Variants in NELL1 observed in about 807,000 individuals in gnomAD.
NELL1 encodes protein kinase C-binding protein NELL1.
In NELL1, 76 loss-of-function variants were observed where a neutral mutation model predicts 107.4. The ratio of observed to expected loss-of-function variants is 0.71; its 90% CI spans 0.59 to 0.86. The LOEUF (loss-of-function observed/expected upper bound fraction) is 0.86. Ranked by LOEUF, NELL1 falls within the 40% of genes least tolerant of loss-of-function variation. The pLI, the probability that NELL1 is intolerant of heterozygous loss-of-function variation, is 0.00. For synonymous variants in NELL1, 353 were observed against 341.2 expected (o/e 1.03, Z -0.38); for missense variants, 1,024 against 1,005.5 (o/e 1.02, Z -0.25).
intron 5 of NELL1, among the ~76,000 whole-genome samples, chr11:20,905,002 ATT>A (rs201231648): frequency 1.3e-4 from 17 of 129,596 alleles, no homozygotes; most frequent in East Asian, 8.8e-4. Context: ...CTAATTTTTA[ATT>A]TTTTTTTTTT....
At chr11:20,916,273 T>C (rs1446183202) in intron 5 of NELL1, among the ~76,000 whole-genome samples, 1 of 151,732 alleles carries the variant, frequency 6.6e-6, no homozygotes, top group Non-Finnish European at 1.5e-5. Flanking sequence ...GTACCACAGA[T>C]TAAAAGTGGA....
intron 13 of NELL1, among the ~76,000 whole-genome samples, chr11:21,133,457 G>A (rs1480386704): frequency 5.3e-5 from 8 of 152,082 alleles, no homozygotes; most frequent in Non-Finnish European, 1.0e-4. Context: ...CCATCAACCT[G>A]CTGTCCCTGG....
chr11:20,914,493 T>C (rs941454232), intron 5 of NELL1, among the ~76,000 whole-genome samples: 5 of 152,156 alleles, frequency 3.3e-5, no homozygotes. Context: ...ATCATGCAGA[T>C]GAAGCCTCTA....
At chr11:20,729,841 G>A (rs543571399) in intron 2 of NELL1, among the ~76,000 whole-genome samples, 49 of 152,288 alleles carry the variant, frequency 3.2e-4, no homozygotes, top group African/African-American at 1.2e-3. Context: ...GGGAAGGCAA[G>A]CTGTCTGTGG....
intron 12 of NELL1, among the ~76,000 whole-genome samples, chr11:20,995,412 A>G (rs1852068219): frequency 6.6e-6 from 1 of 152,024 alleles, no homozygotes; most frequent in African/African-American, 2.4e-5. Flanking sequence ...CCCCGTCTCT[A>G]CTAAAAATAT....
At chr11:20,910,230 AAG>A (rs1484812415) in intron 5 of NELL1, among the ~76,000 whole-genome samples, 1 of 152,138 alleles carries the variant, frequency 6.6e-6, no homozygotes, top group Non-Finnish European at 1.5e-5. Context: ...GCAATGTTTC[AAG>A]GTAGAGTAGA....
intron 2 of NELL1, among the ~76,000 whole-genome samples, chr11:20,710,044 T>C (rs188028918): frequency 2.1e-3 from 322 of 152,352 alleles, no homozygotes; most frequent in African/African-American, 7.1e-3. Flanking sequence ...CGTTTATTTC[T>C]TTCTCTTGTC....
At chr11:21,467,616 G>A (rs1023090885) in intron 15 of NELL1, among the ~76,000 whole-genome samples, 35 of 151,862 alleles carry the variant, frequency 2.3e-4, no homozygotes, top group Admixed American at 2.0e-3. Context: ...TACATACTGA[G>A]TATGCATTAT....
intron 3 of NELL1, among the ~76,000 whole-genome samples, chr11:20,816,690 GT>G (rs1857630524): frequency 6.6e-6 from 1 of 152,110 alleles, no homozygotes; most frequent in Admixed American, 6.5e-5. Context: ...AATAGGAGTG[GT>G]AAGCATGGGC....
chr11:21,307,774 A>G (rs1849639566), intron 14 of NELL1, among the ~76,000 whole-genome samples: 1 of 151,972 alleles, frequency 6.6e-6, no homozygotes, highest in African/African-American at 2.4e-5. Flanking sequence ...TTCAAAAGAG[A>G]GGCCTATATG....
intron 13 of NELL1, among the ~76,000 whole-genome samples, chr11:21,211,480 A>G (rs937869047): frequency 1.3e-5 from 2 of 152,180 alleles, no homozygotes; most frequent in South Asian, 4.1e-4. Flanking sequence ...TTTTAAGACC[A>G]ATGGGAAGTA....
intron 3 of NELL1, among the ~76,000 whole-genome samples, chr11:20,847,278 G>T (rs1206380229): frequency 6.6e-6 from 1 of 152,150 alleles, no homozygotes; most frequent in Non-Finnish European, 1.5e-5. Flanking sequence ...TGGAATGAGG[G>T]TTCTGATTTG....
At chr11:21,317,896 ATG>A (rs1849915938) in intron 14 of NELL1, among the ~76,000 whole-genome samples, 2 of 152,234 alleles carry the variant, frequency 1.3e-5, no homozygotes, top group African/African-American at 4.8e-5. Flanking sequence ...TATTATTATT[ATG>A]TAACCATGTA....
chr11:20,711,124 T>C (rs1855103522), intron 2 of NELL1, among the ~76,000 whole-genome samples: 1 of 152,158 alleles, frequency 6.6e-6, no homozygotes, highest in Non-Finnish European at 1.5e-5. Flanking sequence ...TTAGATATTC[T>C]ATTTGTGCTC....
chr11:21,407,521 C>A (rs960781768), intron 15 of NELL1, among the ~76,000 whole-genome samples: 3 of 151,958 alleles, frequency 2.0e-5, no homozygotes, highest in Non-Finnish European at 2.9e-5. Context: ...CCTGTAAACA[C>A]AACTCCTTCA....
chr11:21,103,361 A>C (rs1175990941), intron 12 of NELL1, among the ~76,000 whole-genome samples: 1 of 152,194 alleles, frequency 6.6e-6, no homozygotes, highest in African/African-American at 2.4e-5. Context: ...ATTAACCAAG[A>C]AATGTGAATA....
At chr11:20,701,297 T>TG in intron 2 of NELL1, among the ~76,000 whole-genome samples, 1 of 152,166 alleles carries the variant, frequency 6.6e-6, no homozygotes, top group South Asian at 2.1e-4. Flanking sequence ...TTTGGCTGCA[T>TG]AAATGTCTTC....
intron 12 of NELL1, among the ~76,000 whole-genome samples, chr11:21,059,133 T>C (rs1195131854): frequency 6.6e-6 from 1 of 152,166 alleles, no homozygotes; most frequent in Non-Finnish European, 1.5e-5. Flanking sequence ...AATGGTACCC[T>C]TCTTTATGGT....
intron 12 of NELL1, chr11:21,001,023 T>C (rs1247995713): frequency 1.3e-5 from 2 of 152,108 alleles, no homozygotes; most frequent in Admixed American, 6.5e-5. Context: ...CACAAAGAAC[T>C]CTCTTTTCTT....
Sources: allele counts gnomAD v4.1 joint callset (sites outside exome capture counted in the v4.1 genomes callset), GRCh38; gene constraint gnomAD v4.1.1; transcripts MANE v1.5; gene names NCBI Gene and HGNC (gene_info 2026-07-23, HGNC 2026-07-21).